PCDHA6: variants seen among roughly 807,000 people sequenced by gnomAD.
PCDHA6 encodes protocadherin alpha-6.
PCDHA6 carries 55 observed loss-of-function variants against 60.3 expected under a neutral mutation model. The ratio of observed to expected loss-of-function variants is 0.91; its 90% confidence interval spans 0.73 to 1.14. The LOEUF is 1.14. Among genes scored for constraint, PCDHA6 ranks in the 50% most tolerant of loss-of-function variants. The pLI is 0.00. For synonymous variants in PCDHA6, 652 were observed against 557.9 expected, an observed-to-expected ratio of 1.17 and a Z score of -2.38; for missense variants, 1,327 against 1,256.5, an observed-to-expected ratio of 1.06 and a Z score of -0.85.
intron 1 of PCDHA6, chr5:140,926,553 A>T: frequency 4.3e-6 from 1 of 233,838 alleles, no homozygotes; most frequent in East Asian, 9.1e-5. Context: ...TCGAGACCCC[A>T]GCCCGCTGCT....
chr5:140,838,063 A>C (rs1775401447), intron 1 of PCDHA6, among the ~76,000 whole-genome samples: 1 of 128,138 alleles, frequency 7.8e-6, no homozygotes. Flanking sequence ...TTCCACTTTA[A>C]GTTATATATA....
chr5:140,932,042 A>G (rs1419099942), intron 1 of PCDHA6, among the ~76,000 whole-genome samples: 1 of 151,970 alleles, frequency 6.6e-6, no homozygotes, highest in Non-Finnish European at 1.5e-5. Flanking sequence ...ATATTAACAT[A>G]GCCTGTAATA....
At chr5:141,001,974 C>T (rs1375819013) in intron 3 of PCDHA6, among the ~76,000 whole-genome samples, 1 of 152,136 alleles carries the variant, frequency 6.6e-6, no homozygotes, top group African/African-American at 2.4e-5. Flanking sequence ...TGTCTCTGCG[C>T]GGAAAGCCTG....
intron 1 of PCDHA6, chr5:140,868,455 A>C (rs2050469160): frequency 6.6e-6 from 1 of 152,444 alleles, no homozygotes; most frequent in Non-Finnish European, 1.5e-5. Flanking sequence ...TAAACACTAA[A>C]GAGCTGCTTT....
intron 3 of PCDHA6, among the ~76,000 whole-genome samples, chr5:140,990,194 G>A (rs2097380047): frequency 6.6e-6 from 1 of 152,076 alleles, no homozygotes; most frequent in Non-Finnish European, 1.5e-5. Context: ...ACCAAATGTG[G>A]ACCCGAAAGA....
intron 1 of PCDHA6, among the ~76,000 whole-genome samples, chr5:140,908,777 TCTC>T (rs2074149319): frequency 6.6e-6 from 1 of 152,144 alleles, no homozygotes; most frequent in African/African-American, 2.4e-5. Flanking sequence ...TGTAGAGTCT[TCTC>T]CTGTTCTGTA....
intron 1 of PCDHA6, among the ~76,000 whole-genome samples, chr5:140,889,028 C>T (rs1015343865): frequency 4.0e-5 from 6 of 151,754 alleles, no homozygotes; most frequent in African/African-American, 7.3e-5. Flanking sequence ...CTTGGATAAC[C>T]GTAATTTGAT....
In PCDHA6 at chr5:140,856,541, G is replaced by A. The variant is rs1554148841; in HGVS notation, c.2394+26056G>A. The A allele has an allele frequency of 2.5e-6, 4 of 1,598,164 alleles. 1 individual carries two copies. The highest frequency in any genetic ancestry group is 3.4e-6 in the Non-Finnish European group (4 of 1,167,670). On this transcript the variant is annotated intron_variant, in intron 1 of 3. Transcript: ENST00000529310. ...ATCTGATGCGGATGTTGGAGAGAACGCATTGCTTACTTACAAACTCAGTCC... is the reference window on the plus strand; with the variant it reads ...ATCTGATGCGGATGTTGGAGAGAACACATTGCTTACTTACAAACTCAGTCC...
chr5:140,883,987 G>A (rs782597930), intron 1 of PCDHA6: 2 of 1,612,956 alleles, frequency 1.2e-6, no homozygotes, highest in East Asian at 2.2e-5. Flanking sequence ...CTGGCAGCGC[G>A]GGAGGCACAG....
chr5:140,985,488 A>G (rs1554247116), intron 3 of PCDHA6, among the ~76,000 whole-genome samples: 1 of 152,156 alleles, frequency 6.6e-6, no homozygotes, highest in Non-Finnish European at 1.5e-5. Flanking sequence ...CCAGACTCAA[A>G]TAGAGCCTGC....
At chr5:140,959,688 T>G (rs1000595466) in intron 1 of PCDHA6, among the ~76,000 whole-genome samples, 20 of 152,318 alleles carry the variant, frequency 1.3e-4, no homozygotes, top group African/African-American at 4.8e-4. Flanking sequence ...ATAATTTCAA[T>G]AAAATGAGCT....
chr5:140,871,729 G>C, intron 1 of PCDHA6: 1 of 714,516 alleles, frequency 1.4e-6, no homozygotes, highest in Admixed American at 3.4e-5. Context: ...TTAATATTTG[G>C]TTAGCAAATC....
chr5:140,876,690 G>T, intron 1 of PCDHA6: 1 of 1,614,174 alleles, frequency 6.2e-7, no homozygotes, highest in Admixed American at 1.7e-5. Flanking sequence ...ATTACTACTC[G>T]TTGGTGCTGG....
In PCDHA6 at chr5:140,927,984, A is replaced by G. The variant is rs112872627; in HGVS notation, c.2395-50965A>G. 5.7e-5 allele frequency: 92 copies of G among 1,614,218 alleles called. 4 individuals are homozygous for G. In the African/African-American group the frequency reaches 7.1e-4, roughly 12 times the overall value. Reference sequence around the variant, plus strand: ...GCACAGTGATTGCTCTCTTTAGTGTAAAGGATGAAGACCTCGATTCTAATG... The same window carrying G: ...GCACAGTGATTGCTCTCTTTAGTGTGAAGGATGAAGACCTCGATTCTAATG... On this transcript the variant is annotated intron_variant, in intron 1 of 3. Coordinates refer to ENST00000529310, the MANE Select transcript of PCDHA6 (RefSeq NM_018909.4).
chr5:140,936,016 C>G (rs1170221921), intron 1 of PCDHA6, among the ~76,000 whole-genome samples: 1 of 151,732 alleles, frequency 6.6e-6, no homozygotes, highest in Non-Finnish European at 1.5e-5. Context: ...CCTCAGCCTC[C>G]CGAGTAGCGG....
intron 1 of PCDHA6, chr5:140,835,296 A>G (rs2150233406): frequency 1.2e-6 from 2 of 1,612,776 alleles, no homozygotes; most frequent in Non-Finnish European, 8.5e-7. Flanking sequence ...AATCACAGTG[A>G]TAGGACATAT....
rs374326542 is a variant in PCDHA6, at chr5:140,927,218, A to G, written c.2395-51731A>G. The G allele has an allele frequency of 2.5e-6, 4 of 1,613,972 alleles. No individual in the cohort carries two copies. The African/African-American group carries it at 5.3e-5, about 22-fold the overall frequency. On this transcript the variant is annotated intron_variant, in intron 1 of 3. Coordinates refer to ENST00000529310, the MANE Select transcript of PCDHA6 (RefSeq NM_018909.4). ...CTCGAGGACCCGCTGGAGCTGCACA[A>G]GATTCGGATTCACGTCCTGGACACC...
At chr5:140,987,515 T>TA (rs2097257557) in intron 3 of PCDHA6, among the ~76,000 whole-genome samples, 1 of 152,160 alleles carries the variant, frequency 6.6e-6, no homozygotes, top group African/African-American at 2.4e-5. Flanking sequence ...TGCCACTCAG[T>TA]AATTGTATGT....
At chr5:140,941,063 TG>T (rs1554213711) in intron 1 of PCDHA6, among the ~76,000 whole-genome samples, 2 of 152,194 alleles carry the variant, frequency 1.3e-5, no homozygotes, top group East Asian at 3.8e-4. Context: ...AGCAGTTTTC[TG>T]GGCTGGAGAG....
Sources: allele counts gnomAD v4.1 joint callset (sites outside exome capture counted in the v4.1 genomes callset), GRCh38; gene constraint gnomAD v4.1.1; transcripts MANE v1.5; gene names NCBI Gene and HGNC (gene_info 2026-07-23, HGNC 2026-07-21).